ZC3H12B: variants seen among roughly 807,000 people sequenced by gnomAD.
ZC3H12B encodes zinc finger CCCH-type containing 12B.
In ZC3H12B, 7 loss-of-function variants were observed where a neutral mutation model predicts 43.9. That is an observed-to-expected ratio of 0.16 (90% CI 0.09 to 0.30). The LOEUF is 0.30. Among genes scored for constraint, ZC3H12B ranks in the 10% least tolerant of loss-of-function variants. ZC3H12B has a pLI of 1.00. For missense variants in ZC3H12B, 475 were observed against 670.2 expected, an observed-to-expected ratio of 0.71 and a Z score of 3.22; for synonymous variants, 222 against 241.7, an observed-to-expected ratio of 0.92 and a Z score of 0.76.
the ZC3H12B span, among the ~76,000 whole-genome samples, chrX:65,300,662 A>G: frequency 2.7e-5 from 3 of 111,050 alleles, no homozygotes; most frequent in African/African-American, 9.8e-5. Flanking sequence ...ACTTATCCAG[A>G]TAATCCTAGG....
chrX:65,279,148 A>G, the ZC3H12B span, among the ~76,000 whole-genome samples: 1 of 110,672 alleles, frequency 9.0e-6, no homozygotes, highest in Non-Finnish European at 1.9e-5. Context: ...CTGCATATAT[A>G]CTCAGTAATG....
intron 2 of ZC3H12B, among the ~76,000 whole-genome samples, chrX:65,390,621 A>G (rs958492981): frequency 9.0e-6 from 1 of 110,938 alleles, no homozygotes; most frequent in Non-Finnish European, 1.9e-5. Context: ...TAATGCCGGG[A>G]GACTTCAACC....
chrX:65,307,426 G>A, the ZC3H12B span, among the ~76,000 whole-genome samples: 7 of 111,658 alleles, frequency 6.3e-5, no homozygotes, highest in Non-Finnish European at 9.4e-5. Flanking sequence ...AAATATAAAC[G>A]TTATGTACAG....
intron 3 of ZC3H12B, chrX:65,470,447 G>A (rs996747730): frequency 9.0e-6 from 1 of 111,121 alleles, no homozygotes; most frequent in Non-Finnish European, 1.9e-5. Context: ...GCAGATTTTA[G>A]AGAGGGAGGA....
At chrX:65,365,871 C>A (rs1467731704), upstream of ZC3H12B, among the ~76,000 whole-genome samples, 3 of 109,737 alleles carry the variant, frequency 2.7e-5, no homozygotes, top group Non-Finnish European at 5.7e-5. Context: ...ATTGCCTACC[C>A]AAATCCTATA....
At chrX:65,452,977 A>G (rs1174441371) in intron 3 of ZC3H12B, among the ~76,000 whole-genome samples, 2 of 110,598 alleles carry the variant, frequency 1.8e-5, no homozygotes. Context: ...TGCCACCATC[A>G]TTCACAGAAC....
At chrX:65,452,296 CA>C (rs1313853933) in intron 3 of ZC3H12B, among the ~76,000 whole-genome samples, 1 of 111,397 alleles carries the variant, frequency 9.0e-6, no homozygotes, top group Non-Finnish European at 1.9e-5. Flanking sequence ...AAGACACCTC[CA>C]AAAAGCTGCT....
chrX:65,489,045 C>A, exon 1 of ZC3H12B: 1 of 1,211,746 alleles, frequency 8.3e-7, no homozygotes, highest in Non-Finnish European at 1.1e-6. Flanking sequence ...CCAGCTCTGT[C>A]GATCACCCTG....
chrX:65,081,326 A>G, the ZC3H12B span, among the ~76,000 whole-genome samples: 3 of 110,820 alleles, frequency 2.7e-5, no homozygotes, highest in African/African-American at 9.8e-5. Flanking sequence ...TCCTGAATCA[A>G]AAGATGTAGA....
intron 3 of ZC3H12B, among the ~76,000 whole-genome samples, chrX:65,432,266 C>T (rs966896677): frequency 1.3e-4 from 15 of 111,358 alleles, no homozygotes; most frequent in African/African-American, 4.9e-4. Context: ...CAGCCCAGGT[C>T]GCATGGTAAC....
At chrX:65,374,165 G>T (rs1297509094) in intron 2 of ZC3H12B, among the ~76,000 whole-genome samples, 2 of 71,018 alleles carry the variant, frequency 2.8e-5, no homozygotes, top group Non-Finnish European at 4.8e-5. Context: ...TATATATATA[G>T]TTATATATAC....
chrX:65,423,767 G>C (rs1184247890), intron 3 of ZC3H12B, among the ~76,000 whole-genome samples: 1 of 111,539 alleles, frequency 9.0e-6, no homozygotes, highest in African/African-American at 3.3e-5. Flanking sequence ...TTGCCAGATG[G>C]ATAGATTGCA....
chrX:65,215,395 G>T, the ZC3H12B span, among the ~76,000 whole-genome samples: 3 of 111,510 alleles, frequency 2.7e-5, no homozygotes, highest in South Asian at 1.1e-3. Context: ...GAAACTTGCA[G>T]CTTCTCCATT....
chrX:65,195,111 C>T, the ZC3H12B span, among the ~76,000 whole-genome samples: 7 of 106,419 alleles, frequency 6.6e-5, no homozygotes, highest in African/African-American at 2.4e-4. Context: ...TTTTTTAATG[C>T]ATTCAGCCAC....
At chrX:65,389,800 C>T (rs938289667) in intron 2 of ZC3H12B, among the ~76,000 whole-genome samples, 2 of 112,648 alleles carry the variant, frequency 1.8e-5, no homozygotes, top group Middle Eastern at 4.6e-3. Flanking sequence ...TGCTTTTACA[C>T]TGTTGGTGGG....
the ZC3H12B span, among the ~76,000 whole-genome samples, chrX:65,342,837 C>CAA: frequency 2.9e-3 from 162 of 55,540 alleles, 1 homozygote; most frequent in African/African-American, 6.6e-3. Context: ...GAGACTGAGA[C>CAA]AAAAAAAAAA....
At chrX:65,088,829 G>A in the ZC3H12B span, among the ~76,000 whole-genome samples, 4 of 111,168 alleles carry the variant, frequency 3.6e-5, no homozygotes, top group East Asian at 2.8e-4. Context: ...CTCCAGAGCT[G>A]GATTGCCTGG....
the ZC3H12B span, among the ~76,000 whole-genome samples, chrX:65,225,437 G>C: frequency 8.9e-6 from 1 of 112,139 alleles, no homozygotes; most frequent in African/African-American, 3.2e-5. Flanking sequence ...AAACAGAGCA[G>C]AAAAACTGGA....
chrX:65,428,225 A>C (rs1370591411), intron 3 of ZC3H12B, among the ~76,000 whole-genome samples: 2 of 111,611 alleles, frequency 1.8e-5, no homozygotes, highest in Non-Finnish European at 3.8e-5. Context: ...GGAAAATCTG[A>C]CAATTATGTG....
Sources: gnomAD v4.1 joint callset for allele counts (sites outside exome capture counted in the v4.1 genomes callset) on GRCh38, gnomAD v4.1.1 for gene constraint, MANE v1.5 for transcripts, NCBI Gene and HGNC (gene_info 2026-07-23, HGNC 2026-07-21) for gene names.